Variants in COL11A1 observed in about 807,000 individuals in gnomAD.
The protein encoded by COL11A1 is collagen alpha-1(XI) chain.
COL11A1 carries 74 observed loss-of-function variants against 265.2 expected under a neutral mutation model. The ratio of observed to expected loss-of-function variants is 0.28; its 90% CI spans 0.23 to 0.34. The LOEUF is 0.34. Among genes scored for constraint, COL11A1 ranks in the 10% least tolerant of loss-of-function variants. COL11A1 has a pLI of 1.00. For missense variants in COL11A1, 2,165 were observed against 2,263.6 expected, an observed-to-expected ratio of 0.96 and a Z score of 0.88; for synonymous variants, 816 against 727.6, an observed-to-expected ratio of 1.12 and a Z score of -1.96.
chr1:102,920,315 T>C lies in COL11A1; in HGVS notation c.3758A>G (p.Glu1253Gly), dbSNP rs2101066506. ...GSVGSVGGVG[E>G]KGEPGEAGNP... ...GTGTGTCACTAACATATTTACCTTTTCTCCAACACCACCAACTGAACCAAC... is the reference window on the plus strand; with the variant it reads ...GTGTGTCACTAACATATTTACCTTTCCTCCAACACCACCAACTGAACCAAC... Residue 1253 changes from glutamate (E) to glycine (G), a missense_variant, in exon 49 of 67, where the codon GAA becomes GGA. By Grantham distance (98) the Glu-to-Gly change is moderately conservative. Transcript: ENST00000370096. 1 of 1,613,228 alleles carries C rather than the reference T, an allele frequency of 6.2e-7. No homozygotes were observed. The highest frequency in any genetic ancestry group is 8.5e-7 in the Non-Finnish European group (1 of 1,179,278).
At chr1:103,036,148 ATTAAC>A (rs1668349367) in intron 4 of COL11A1, among the ~76,000 whole-genome samples, 1 of 151,558 alleles carries the variant, frequency 6.6e-6, no homozygotes, top group Admixed American at 6.6e-5. Context: ...TAGCTTTGCC[ATTAAC>A]TACTTGGAAT....
chr1:103,044,897 G>T (rs893162816), intron 4 of COL11A1, among the ~76,000 whole-genome samples: 12 of 151,974 alleles, frequency 7.9e-5, no homozygotes, highest in African/African-American at 2.9e-4. Context: ...AGAAAGGATA[G>T]CGAATATATG....
intron 53 of COL11A1, among the ~76,000 whole-genome samples, chr1:102,912,665 A>G (rs948654376): frequency 1.3e-5 from 2 of 152,142 alleles, no homozygotes; most frequent in Non-Finnish European, 2.9e-5. Context: ...CTGTGTCCCT[A>G]CCCAAATCTC....
At chr1:102,996,119 C>G in intron 26 of COL11A1, 77 bp from the exon 27 acceptor site, 1 of 1,430,640 alleles carries the variant, frequency 7.0e-7, no homozygotes, top group South Asian at 1.2e-5. Flanking sequence ...ATTTTACCAA[C>G]TAATCTACAA....
intron 44 of COL11A1, among the ~76,000 whole-genome samples, chr1:102,938,803 A>G (rs191699710): frequency 6.6e-6 from 1 of 152,280 alleles, no homozygotes; most frequent in East Asian, 1.9e-4. Context: ...TTCATGTGCT[A>G]TAGCAGAGTT....
chr1:102,929,745 G>A (rs1188720294), intron 46 of COL11A1, among the ~76,000 whole-genome samples: 1 of 151,954 alleles, frequency 6.6e-6, no homozygotes, highest in Non-Finnish European at 1.5e-5. Flanking sequence ...TCTTCCATTT[G>A]TTTGTATCCT....
chr1:102,972,834 C>T (rs531881109), intron 36 of COL11A1, among the ~76,000 whole-genome samples: 5 of 152,204 alleles, frequency 3.3e-5, no homozygotes, highest in African/African-American at 4.8e-5. Flanking sequence ...GAATGTTTCT[C>T]ATACTAGTCA....
chr1:103,065,766 A>C (rs539486349), intron 4 of COL11A1, among the ~76,000 whole-genome samples: 1 of 148,328 alleles, frequency 6.7e-6, no homozygotes, highest in Admixed American at 6.8e-5. Context: ...AAGGCTTCCT[A>C]AATTTGTTGA....
rs762731102 is a variant in COL11A1 at position 102,889,599 on chromosome 1, A to G, written c.4357-37T>C. 4.3e-6 allele frequency: 6 copies of G among 1,394,484 alleles called. No individual in the cohort carries two copies. In the East Asian group the frequency reaches 1.4e-4, roughly 32 times the overall value. 86.4% of individuals were successfully genotyped at this position (1,394,484 alleles called of 1,614,324 possible). On this transcript the variant is annotated intron_variant, in intron 58 of 66. Coordinates refer to ENST00000370096, the MANE Select transcript of COL11A1 (RefSeq NM_001854.4). ...AGAGAAAAAAAATAATAACATGTAC[A>G]TTACTATCTTCATAAAATTTTAGTT...
At chr1:103,013,727 A>C (rs2101895986) in intron 13 of COL11A1, among the ~76,000 whole-genome samples, 1 of 152,010 alleles carries the variant, frequency 6.6e-6, no homozygotes, top group East Asian at 1.9e-4. Flanking sequence ...TTATCACAGA[A>C]GTGATTTATA....
intron 6 of COL11A1, chr1:103,025,964 G>T: frequency 6.2e-7 from 1 of 1,607,380 alleles, no homozygotes. Context: ...TGTAAAATGT[G>T]GTGAAAGATG....
chr1:103,006,773 C>T (rs978733581), intron 15 of COL11A1, among the ~76,000 whole-genome samples: 1 of 151,958 alleles, frequency 6.6e-6, no homozygotes, highest in Non-Finnish European at 1.5e-5. Flanking sequence ...TGTGATCCAC[C>T]CATCTCGGCC....
intron 13 of COL11A1, among the ~76,000 whole-genome samples, chr1:103,013,625 TAAAC>T (rs1017273663): frequency 3.3e-5 from 5 of 151,946 alleles, no homozygotes; most frequent in Admixed American, 6.6e-5. Context: ...AGGAAAGACA[TAAAC>T]AAATATTGAG....
At chr1:102,909,364 G>A (rs1654375228) in intron 54 of COL11A1, among the ~76,000 whole-genome samples, 1 of 152,078 alleles carries the variant, frequency 6.6e-6, no homozygotes, top group Non-Finnish European at 1.5e-5. Context: ...CATGCTTCCT[G>A]TAGAGCCTGC....
chr1:102,908,440 AATTTAT>A, intron 54 of COL11A1, among the ~76,000 whole-genome samples: 1 of 152,256 alleles, frequency 6.6e-6, no homozygotes, highest in Non-Finnish European at 1.5e-5. Context: ...GTGTGATCAG[AATTTAT>A]GACTGGAGGT....
intron 1 of COL11A1, among the ~76,000 whole-genome samples, chr1:103,099,049 A>G (rs1392053973): frequency 8.6e-5 from 13 of 151,850 alleles, no homozygotes; most frequent in Middle Eastern, 3.4e-3. Context: ...AATGTCAACA[A>G]CGCCCTCACT....
chr1:102,962,504 A>G, intron 39 of COL11A1, 149 bp downstream of exon 39: 1 of 796,562 alleles, frequency 1.3e-6, no homozygotes, highest in African/African-American at 1.7e-5. Context: ...ATGTTGAGCA[A>G]TATCTTGGAG....
intron 4 of COL11A1, among the ~76,000 whole-genome samples, chr1:103,046,788 T>C (rs1423792701): frequency 6.6e-6 from 1 of 151,012 alleles, no homozygotes; most frequent in Admixed American, 6.6e-5. Flanking sequence ...TTGTATAAGG[T>C]GTAAGGAAGG....
In COL11A1 at chr1:103,031,206, C is replaced by T. The variant is rs551602780; in HGVS notation, c.690G>A (p.Lys230=). The T allele has an allele frequency of 3.1e-6, 5 of 1,608,578 alleles. No homozygotes were observed. In the African/African-American group the frequency reaches 6.7e-5, roughly 22 times the overall value. The change falls in exon 5 of 67, where the codon AAG becomes AAA. Residue 230 remains lysine, a synonymous_variant. Transcript: ENST00000370096. ...IQQFLITGDP[K]AAYDYCEHYS... ...AATGCTCACAGTAGTCATATGCTGCCTTGGGATCACCTGTGATCAAAAACT... is the reference window on the plus strand; with the variant it reads ...AATGCTCACAGTAGTCATATGCTGCTTTGGGATCACCTGTGATCAAAAACT...
Sources: allele counts gnomAD v4.1 joint callset (sites outside exome capture counted in the v4.1 genomes callset), GRCh38; gene constraint gnomAD v4.1.1; transcripts MANE v1.5; gene names NCBI Gene and HGNC (gene_info 2026-07-23, HGNC 2026-07-21).